The following P3H2 variants were observed in gnomAD, a reference collection of about 807,000 sequenced individuals.
P3H2 encodes the protein prolyl 3-hydroxylase 2, also known as leprecan-like 1.
P3H2 carries 80 observed loss-of-function variants against 87.0 expected under a neutral mutation model. The ratio of observed to expected loss-of-function variants is 0.92; its 90% CI spans 0.77 to 1.11. The LOEUF is 1.11. Ranked by LOEUF, P3H2 falls within the 50% of genes least tolerant of loss-of-function variation. The pLI, the probability that P3H2 is intolerant of heterozygous loss-of-function variation, is 0.00. For synonymous variants in P3H2, 367 were observed against 359.3 expected, an observed-to-expected ratio of 1.02 and a Z score of -0.24; for missense variants, 1,001 against 923.9, an observed-to-expected ratio of 1.08 and a Z score of -1.08.
At chr3:190,008,711 CTTTCTA>C (rs1289780910) in intron 1 of P3H2, among the ~76,000 whole-genome samples, 6 of 152,152 alleles carry the variant, frequency 3.9e-5, no homozygotes, top group African/African-American at 1.4e-4. Context: ...GGACTATGAG[CTTTCTA>C]TTTCTAGAGG....
intron 10 of P3H2, chr3:189,973,246 C>T (rs906088008): frequency 3.7e-6 from 2 of 545,714 alleles, no homozygotes; most frequent in Non-Finnish European, 6.5e-6. Flanking sequence ...TTCCTCTTCT[C>T]TTCTATTATA....
chr3:189,988,678 C>G (rs934575965), intron 4 of P3H2, among the ~76,000 whole-genome samples: 9 of 152,090 alleles, frequency 5.9e-5, no homozygotes, highest in African/African-American at 2.2e-4. Flanking sequence ...AAATGTCAAT[C>G]TAGTATAATT....
intron 1 of P3H2, among the ~76,000 whole-genome samples, chr3:190,106,810 T>C (rs1711856230): frequency 6.6e-6 from 1 of 152,236 alleles, no homozygotes; most frequent in African/African-American, 2.4e-5. Flanking sequence ...AGACACATTA[T>C]TTAATCTTTC....
At chr3:189,999,021 C>A (rs1038455103) in intron 1 of P3H2, among the ~76,000 whole-genome samples, 1 of 152,194 alleles carries the variant, frequency 6.6e-6, no homozygotes, top group African/African-American at 2.4e-5. Context: ...TGTGCAGCCC[C>A]GCTCCTAACA....
intron 11 of P3H2, among the ~76,000 whole-genome samples, 160 bp from the exon 12 acceptor site, chr3:189,972,167 G>C (rs1178091182): frequency 6.6e-6 from 1 of 152,216 alleles, no homozygotes; most frequent in Non-Finnish European, 1.5e-5. Context: ...AAGTAGTTGA[G>C]ATTCTGGTCT....
chr3:190,027,284 C>T (rs1377414116), intron 1 of P3H2, among the ~76,000 whole-genome samples: 1 of 152,178 alleles, frequency 6.6e-6, no homozygotes. Flanking sequence ...TAATACTATA[C>T]CATGAAGCAA....
At chr3:189,985,538 T>C (rs1723668027) in intron 6 of P3H2, among the ~76,000 whole-genome samples, 1 of 151,018 alleles carries the variant, frequency 6.6e-6, no homozygotes, top group Admixed American at 6.6e-5. Flanking sequence ...ATAGTGTTAG[T>C]ATTAAAATAG....
rs145307291 is a variant in P3H2, at chr3:190,052,281, C to T, written c.481-56839G>A. 7.3e-3 allele frequency among the ~76,000 whole-genome samples: 1,105 copies of T among 151,960 alleles called. 11 individuals are homozygous for T. Among genetic ancestry groups the T allele is most frequent in the African/African-American group, 0.025 (1,039 of 41,414 alleles). ...GACAAGCCCCGGTGTGTGATGTTAC[C>T]CTCCCTGGGTCCATATGTTCTAATT... On this transcript the variant is annotated intron_variant, in intron 1 of 14. Coordinates refer to ENST00000319332, the MANE Select transcript of P3H2 (RefSeq NM_018192.4).
chr3:190,100,223 A>C (rs112182850), intron 1 of P3H2, among the ~76,000 whole-genome samples: 10,222 of 147,308 alleles, frequency 0.069, 552 homozygotes, highest in African/African-American at 0.14. Flanking sequence ...GACAAAGAGC[A>C]AAACTCCGTC....
At chr3:189,985,553 CAAAT>C (rs1186035121) in intron 6 of P3H2, among the ~76,000 whole-genome samples, 1 of 150,212 alleles carries the variant, frequency 6.7e-6, no homozygotes, top group Admixed American at 6.6e-5. Context: ...AAATAGTGTG[CAAAT>C]AAATAATTCC....
At chr3:190,117,347 G>A (rs1712329649) in intron 1 of P3H2, among the ~76,000 whole-genome samples, 1 of 152,152 alleles carries the variant, frequency 6.6e-6, no homozygotes. Context: ...AGCAGGATTT[G>A]GGGGAGCAGT....
Position 189,983,101 on chromosome 3 carries a change from A to T in P3H2, c.1269T>A (p.His423Gln). 6.2e-7 allele frequency: 1 copy of T among 1,613,918 alleles called. No homozygotes were observed. Among genetic ancestry groups the T allele is most frequent in the Non-Finnish European group, 8.5e-7 (1 of 1,179,880 alleles). Residue 423 changes from histidine to glutamine, a missense_variant, in exon 8 of 15, where the codon CAT becomes CAA. Physicochemically the swap from His to Gln is conservative, Grantham distance 24. Transcript: ENST00000319332. Reference protein sequence around the residue: ...SGVNVEGAEVHGFSMGKKLSP... With the variant: ...SGVNVEGAEVQGFSMGKKLSP... ...ATAGCTTTTTTCCCATTGAGAATCC[A>T]TGAACTTCTGCTCCCTCTACGTTCA...
chr3:190,014,557 T>C (rs1471700025), intron 1 of P3H2, among the ~76,000 whole-genome samples: 1 of 152,218 alleles, frequency 6.6e-6, no homozygotes, highest in Non-Finnish European at 1.5e-5. Context: ...CATCTGAGAC[T>C]GACGACTGGA....
At chr3:190,013,260 A>C (rs1036013790) in intron 1 of P3H2, among the ~76,000 whole-genome samples, 1 of 152,264 alleles carries the variant, frequency 6.6e-6, no homozygotes, top group African/African-American at 2.4e-5. Context: ...ATGTGAGAAC[A>C]CATAGAAAGG....
intron 1 of P3H2, among the ~76,000 whole-genome samples, chr3:190,076,510 TC>T (rs1726881982): frequency 6.6e-6 from 1 of 152,182 alleles, no homozygotes; most frequent in Admixed American, 6.5e-5. Flanking sequence ...GCTCACTCAT[TC>T]ACATATCCAC....
chr3:190,114,439 G>A (rs1712211203), intron 1 of P3H2, among the ~76,000 whole-genome samples: 1 of 151,964 alleles, frequency 6.6e-6, no homozygotes, highest in African/African-American at 2.4e-5. Flanking sequence ...GCCCACCTCG[G>A]CCTCCCAAAG....
At chr3:190,076,534 A>G (rs1018441970) in intron 1 of P3H2, among the ~76,000 whole-genome samples, 4 of 152,208 alleles carry the variant, frequency 2.6e-5, no homozygotes, top group African/African-American at 9.6e-5. Context: ...CCCTAGGTCT[A>G]TCTTGTGATC....
In P3H2 at chr3:189,974,627, C is replaced by A. The variant is rs1275922410; in HGVS notation, c.1383G>T (p.Gly461=). 1 of 1,614,062 alleles carries A rather than the reference C, an allele frequency of 6.2e-7. No homozygotes were observed. The highest frequency in any genetic ancestry group is 8.5e-7 in the Non-Finnish European group (1 of 1,180,038). The change falls in exon 9 of 15, where the codon GGG becomes GGT. Residue 461 remains glycine (G), a synonymous_variant. Coordinates refer to ENST00000319332, the MANE Select transcript of P3H2 (RefSeq NM_018192.4). ...CGTTATCCAGGAGAACCCGCTGAGT[C>A]CCGTTCAGCTGCTCCGAGTTGTAGA... ...TFVYNSEQLN[G]TQRVLLDNVL... is the part of the protein sequence containing the mutation.
At chr3:190,062,287 T>A (rs999391772) in intron 1 of P3H2, among the ~76,000 whole-genome samples, 1 of 152,138 alleles carries the variant, frequency 6.6e-6, no homozygotes, top group African/African-American at 2.4e-5. Flanking sequence ...ATTACCTGTC[T>A]TTTGGCATCT....
Sources: gnomAD v4.1 joint callset for allele counts (sites outside exome capture counted in the v4.1 genomes callset) on GRCh38, gnomAD v4.1.1 for gene constraint, MANE v1.5 for transcripts, NCBI Gene and HGNC (gene_info 2026-07-23, HGNC 2026-07-21) for gene names.